Variants in CACNA2D1 observed in about 807,000 individuals in gnomAD.
CACNA2D1 encodes voltage-dependent calcium channel subunit alpha-2/delta-1.
In CACNA2D1, 53 loss-of-function variants were observed where a neutral mutation model predicts 171.5. The ratio of observed to expected loss-of-function variants is 0.31; its 90% CI spans 0.25 to 0.39. CACNA2D1 has a LOEUF of 0.39. Among genes scored for constraint, CACNA2D1 ranks in the 10% least tolerant of loss-of-function variants. CACNA2D1 has a pLI of 1.00. For missense variants in CACNA2D1, 903 were observed against 1,299.8 expected, an observed-to-expected ratio of 0.69 and a Z score of 4.69; for synonymous variants, 442 against 443.1, an observed-to-expected ratio of 1.00 and a Z score of 0.03.
At position 82,110,997 on chromosome 7, in the gene CACNA2D1, T is replaced by C. The variant is rs190606208; in HGVS notation, c.526+6047A>G. On this transcript the variant is annotated intron_variant, in intron 6 of 38. Coordinates refer to ENST00000356860, the MANE Select transcript of CACNA2D1 (RefSeq NM_000722.4). The stretch of plus-strand genomic sequence containing the variant: ...AATTTTGACCATTTAGTCAGTGCTA[T>C]ATTCCCATTATCTGGAAAAGTACAT... Among the ~76,000 whole-genome samples the C allele has an allele frequency of 7.5e-3, 1,146 of 152,196 alleles. 12 individuals are homozygous for C. Among genetic ancestry groups the C allele is most frequent in the Non-Finnish European group, 9.9e-3 (670 of 67,994 alleles).
intron 5 of CACNA2D1, among the ~76,000 whole-genome samples, chr7:82,131,189 A>C (rs1790937796): frequency 6.6e-6 from 1 of 152,138 alleles, no homozygotes; most frequent in Non-Finnish European, 1.5e-5. Context: ...TATGTTAACA[A>C]ACTGCAACCT....
chr7:82,087,486 A>C lies in CACNA2D1; in HGVS notation c.527-2586T>G, dbSNP rs569398271. Among the ~76,000 whole-genome samples, 4 of 152,094 alleles carry C rather than the reference A, an allele frequency of 2.6e-5. No individual in the cohort carries two copies. The East Asian group carries it at 7.7e-4, about 29-fold the overall frequency. On this transcript the variant is annotated intron_variant, in intron 6 of 38. Coordinates refer to ENST00000356860, the MANE Select transcript of CACNA2D1 (RefSeq NM_000722.4). The stretch of plus-strand genomic sequence containing the variant: ...CAAGAATCATTCATTCAATTCCTTA[A>C]AATACCAAAACTAGAAAGTAGGATA...
At chr7:81,988,635 T>C (rs1797219261) in intron 21 of CACNA2D1, among the ~76,000 whole-genome samples, 1 of 152,218 alleles carries the variant, frequency 6.6e-6, no homozygotes, top group African/African-American at 2.4e-5. Flanking sequence ...GAGACTTCCG[T>C]ACTTAAATAT....
intron 3 of CACNA2D1, among the ~76,000 whole-genome samples, chr7:82,181,145 C>T (rs1797102470): frequency 7.5e-6 from 1 of 134,146 alleles, no homozygotes; most frequent in South Asian, 2.4e-4. Flanking sequence ...AAGTTTTAAC[C>T]AGGCCGAAAG....
chr7:82,157,030 G>A (rs910392569), intron 4 of CACNA2D1, among the ~76,000 whole-genome samples: 4 of 152,128 alleles, frequency 2.6e-5, no homozygotes, highest in South Asian at 2.1e-4. Flanking sequence ...TGGAGGATAC[G>A]GCTCCATGGC....
intron 3 of CACNA2D1, among the ~76,000 whole-genome samples, chr7:82,317,104 T>G (rs1208520236): frequency 6.6e-6 from 1 of 152,236 alleles, no homozygotes. Context: ...TATTACCGAA[T>G]GAGTAAACAT....
At chr7:82,394,297 A>T (rs1380215647) in intron 1 of CACNA2D1, among the ~76,000 whole-genome samples, 1 of 152,206 alleles carries the variant, frequency 6.6e-6, no homozygotes, top group African/African-American at 2.4e-5. Flanking sequence ...CAAAAAGGAA[A>T]AAGAAGAAAG....
chr7:82,036,706 A>C (rs1803324751), intron 11 of CACNA2D1, among the ~76,000 whole-genome samples: 2 of 152,208 alleles, frequency 1.3e-5, no homozygotes, highest in Admixed American at 1.3e-4. Context: ...GCATTCAATA[A>C]ATTTTGGCTG....
intron 1 of CACNA2D1, 102 bp from the exon 2 acceptor site, chr7:82,349,751 C>T (rs1819632348): frequency 1.2e-5 from 11 of 947,534 alleles, no homozygotes; most frequent in Non-Finnish European, 1.9e-5. Context: ...TTAAAATGCC[C>T]TTAAATTATT....
intron 3 of CACNA2D1, among the ~76,000 whole-genome samples, chr7:82,313,502 A>G (rs1381196591): frequency 6.6e-6 from 1 of 152,148 alleles, no homozygotes; most frequent in African/African-American, 2.4e-5. Context: ...TGTCTCAGAG[A>G]TATTATCAGT....
chr7:82,370,334 T>A (rs1428638790), intron 1 of CACNA2D1, among the ~76,000 whole-genome samples: 2 of 151,908 alleles, frequency 1.3e-5, no homozygotes, highest in African/African-American at 4.8e-5. Context: ...AGTATGAAAT[T>A]TTGGAAAATC....
intron 10 of CACNA2D1, among the ~76,000 whole-genome samples, chr7:82,051,914 G>A (rs1241489726): frequency 6.6e-6 from 1 of 152,168 alleles, no homozygotes; most frequent in East Asian, 1.9e-4. Context: ...CTAACAGCAG[G>A]CTTCCTTTCT....
chr7:82,312,996 T>C (rs1814665862), intron 3 of CACNA2D1, among the ~76,000 whole-genome samples: 1 of 152,162 alleles, frequency 6.6e-6, no homozygotes. Context: ...TAACGATCCA[T>C]TTAAGTGCAT....
At chr7:82,205,833 C>G (rs1258442399) in intron 3 of CACNA2D1, among the ~76,000 whole-genome samples, 1 of 152,090 alleles carries the variant, frequency 6.6e-6, no homozygotes, top group Non-Finnish European at 1.5e-5. Context: ...AAATAATTCC[C>G]ATTAAAAAGA....
chr7:82,055,247 C>T (rs2131338723), intron 10 of CACNA2D1, among the ~76,000 whole-genome samples: 1 of 152,238 alleles, frequency 6.6e-6, no homozygotes, highest in African/African-American at 2.4e-5. Context: ...ACCCTCTGGA[C>T]AGGCAAAAGT....
At chr7:82,293,876 G>T (rs1811952521) in intron 3 of CACNA2D1, among the ~76,000 whole-genome samples, 1 of 152,154 alleles carries the variant, frequency 6.6e-6, no homozygotes, top group Non-Finnish European at 1.5e-5. Context: ...GTGCAAATGT[G>T]ATTATTTCCC....
At chr7:82,206,477 C>A (rs893522596) in intron 3 of CACNA2D1, among the ~76,000 whole-genome samples, 5 of 152,006 alleles carry the variant, frequency 3.3e-5, no homozygotes, top group African/African-American at 7.2e-5. Flanking sequence ...AGCAATACTA[C>A]CACTGCTAAA....
At chr7:81,981,184 TAA>T (rs929408314) in intron 24 of CACNA2D1, among the ~76,000 whole-genome samples, 1 of 152,106 alleles carries the variant, frequency 6.6e-6, no homozygotes, top group Non-Finnish European at 1.5e-5. Context: ...CAGTCTCAGG[TAA>T]AAAGACAGCC....
rs79127167 is a variant in CACNA2D1 at position 81,970,720 on chromosome 7, C to T, written c.2159G>A (p.Arg720Gln). The change falls in exon 27 of 39, where the codon CGA becomes CAA. Residue 720 changes from arginine to glutamine, a missense_variant. Arg to Gln is a conservative substitution (Grantham distance 43, BLOSUM62 1). This residue lies in a region of CACNA2D1 where 623 missense variants were observed against 925.5 expected (regional missense o/e 0.67). Transcript: ENST00000356860. ...AATCCCACCATCAGTCACAACAAAT[C>T]GTGCTTTCACTCCCTTGCTGAAACA... ...KQKNIKGVKARFVVTDGGITR... is the reference protein window; with the variant it reads ...KQKNIKGVKAQFVVTDGGITR... The T allele has an allele frequency of 3.7e-5, 59 of 1,591,384 alleles. No individual in the cohort carries two copies. The highest frequency in any genetic ancestry group is 4.1e-5 in the Non-Finnish European group (48 of 1,160,080).
Sources: allele counts gnomAD v4.1 joint callset (sites outside exome capture counted in the v4.1 genomes callset), GRCh38; gene constraint gnomAD v4.1.1; regional missense constraint gnomAD v4.1.1; transcripts MANE v1.5; gene names NCBI Gene and HGNC (gene_info 2026-07-23, HGNC 2026-07-21).